MYCBP2: variants seen among roughly 807,000 people sequenced by gnomAD.
MYCBP2 encodes E3 ubiquitin-protein ligase MYCBP2.
MYCBP2 carries 120 observed loss-of-function variants against 525.3 expected under a neutral mutation model. The observed-to-expected ratio is 0.23, with a 90% confidence interval of 0.20 to 0.27. The LOEUF (loss-of-function observed/expected upper bound fraction) is 0.27, where lower values mean the gene tolerates loss of function less well. MYCBP2 is among the 10% of genes least tolerant of loss of function. The pLI is 1.00. For synonymous variants in MYCBP2, 1,894 were observed against 1,955.8 expected (o/e 0.97, Z 0.83); for missense variants, 4,149 against 5,657.1 (o/e 0.73, Z 8.55).
chr13:77,289,280 A>G (rs2077219953), intron 2 of MYCBP2, among the ~76,000 whole-genome samples: 2 of 152,148 alleles, frequency 1.3e-5, no homozygotes, highest in Non-Finnish European at 2.9e-5. Flanking sequence ...ATATATGTAT[A>G]AGAGATATTA....
Position 77,174,474 on chromosome 13 carries a change from C to T in MYCBP2, c.5488G>A (p.Ala1830Thr), listed in dbSNP as rs1233940531. ...CTTCCATAGTTCCTCAAGCGCACAG[C>T]ATATTTAACATTTTCCTTCATTATA... is the stretch of plus-strand genomic sequence containing the variant. ...VVPLKENVKY[A>T]VRLRNYGSRT... is the part of the protein sequence containing the mutation. The change falls in exon 37 of 83, where the codon GCT becomes ACT. Residue 1830 changes from alanine to threonine, a missense_variant. Around this residue, in one of 21 missense-constraint regions of MYCBP2, gnomAD observed 109 missense variants for 118.9 expected, o/e 0.92. Coordinates refer to ENST00000544440, the MANE Select transcript of MYCBP2 (RefSeq NM_015057.5). 1 of 1,613,314 alleles carries T rather than the reference C, an allele frequency of 6.2e-7. No individual in the cohort carries two copies. The highest frequency in any genetic ancestry group is 1.3e-5 in the African/African-American group (1 of 74,890).
At chr13:77,159,796 A>G (rs951298680) in intron 44 of MYCBP2, among the ~76,000 whole-genome samples, 2 of 152,188 alleles carry the variant, frequency 1.3e-5, no homozygotes, top group Non-Finnish European at 2.9e-5. Flanking sequence ...TAAATTACCC[A>G]GCCTCAGGTA....
At chr13:77,093,882 C>T (rs1332821980) in intron 58 of MYCBP2, among the ~76,000 whole-genome samples, 1 of 152,012 alleles carries the variant, frequency 6.6e-6, no homozygotes, top group Non-Finnish European at 1.5e-5. Context: ...GGAAGGGGTG[C>T]CCATTCCCCA....
chr13:77,070,788 A>G lies in MYCBP2; in HGVS notation c.11824-77T>C, dbSNP rs1873019850. The G allele has an allele frequency of 3.5e-6, 3 of 859,968 alleles. No homozygotes were observed. In the Admixed American group the frequency reaches 7.6e-5, roughly 22 times the overall value. 53.3% of individuals were successfully genotyped at this position (859,968 alleles called of 1,614,324 possible). ...TAAAATTTGTATATGTGATATTTCAAAGTAACTTGAGAAATAATTTTGTGT... is the reference window on the plus strand; with the variant it reads ...TAAAATTTGTATATGTGATATTTCAGAGTAACTTGAGAAATAATTTTGTGT... On this transcript the variant is annotated intron_variant, in intron 68 of 82. Coordinates refer to ENST00000544440, the MANE Select transcript of MYCBP2 (RefSeq NM_015057.5).
Position 77,095,362 on chromosome 13 carries a change from C to T in MYCBP2, c.10195G>A (p.Ala3399Thr). The change falls in exon 58 of 83, where the codon GCT becomes ACT. Residue 3399 changes from alanine to threonine, a missense_variant. Coordinates refer to ENST00000544440, the MANE Select transcript of MYCBP2 (RefSeq NM_015057.5). ...KMPCLYLQTLARHHHENFVGY... is the reference protein window; with the variant it reads ...KMPCLYLQTLTRHHHENFVGY... Reference sequence around the variant, plus strand: ...ACAACAGCAAAATTTTATTACCTAGCTAATGTCTGCAGGTAGAGACAAGGC... The same window carrying T: ...ACAACAGCAAAATTTTATTACCTAGTTAATGTCTGCAGGTAGAGACAAGGC... 4 of 1,613,162 alleles carry T rather than the reference C, an allele frequency of 2.5e-6. No individual in the cohort carries two copies. Among genetic ancestry groups the T allele is most frequent in the Non-Finnish European group, 3.4e-6 (4 of 1,179,540 alleles).
Position 77,185,330 on chromosome 13 carries a change from T to C in MYCBP2, c.4492A>G (p.Ile1498Val), listed in dbSNP as rs76744435. The part of the protein sequence containing the change: ...VEETSKLAEC[I>V]GKTRTLLRKI... ...CTTAACAAAGTTCTGGTTTTTCCAA[T>C]ACACTCTGCTAATTTGCTAGTTTCT... Residue 1498 changes from isoleucine to valine, a missense_variant, in exon 32 of 83, where the codon ATT becomes GTT. Around this residue, in one of 21 missense-constraint regions of MYCBP2, gnomAD observed 292 missense variants for 330.5 expected, o/e 0.88. Transcript: ENST00000544440. 7.1e-4 allele frequency: 1,146 copies of C among 1,613,960 alleles called. 10 individuals carry two copies. In the East Asian group the frequency reaches 0.023, roughly 32 times the overall value.
At chr13:77,148,355 C>A (rs2055943103) in intron 47 of MYCBP2, among the ~76,000 whole-genome samples, 1 of 151,966 alleles carries the variant, frequency 6.6e-6, no homozygotes, top group Non-Finnish European at 1.5e-5. Flanking sequence ...ATAACTTCAA[C>A]TTTTTTTCCA....
intron 39 of MYCBP2, among the ~76,000 whole-genome samples, chr13:77,169,114 T>C (rs904596729): frequency 1.3e-5 from 2 of 152,186 alleles, no homozygotes; most frequent in African/African-American, 4.8e-5. Context: ...ATTCTTCAAA[T>C]GTAAAGCCAA....
intron 18 of MYCBP2, among the ~76,000 whole-genome samples, chr13:77,228,820 T>C (rs964821032): frequency 1.3e-5 from 2 of 152,108 alleles, no homozygotes; most frequent in African/African-American, 4.8e-5. Flanking sequence ...TATATAATTA[T>C]ATACACATAT....
At chr13:77,062,885 C>A (rs1191607994) in intron 73 of MYCBP2, among the ~76,000 whole-genome samples, 188 bp from the exon 74 acceptor site, 2 of 152,202 alleles carry the variant, frequency 1.3e-5, no homozygotes, top group African/African-American at 2.4e-5. Flanking sequence ...GCCATGCACA[C>A]AGGAGGCACT....
At chr13:77,253,927 A>G (rs960080773) in intron 14 of MYCBP2, among the ~76,000 whole-genome samples, 1 of 151,968 alleles carries the variant, frequency 6.6e-6, no homozygotes, top group South Asian at 2.1e-4. Flanking sequence ...CAGGTTTTCC[A>G]GGAAACATTT....
intron 3 of MYCBP2, among the ~76,000 whole-genome samples, chr13:77,284,296 C>A (rs1156822342): frequency 6.6e-6 from 1 of 151,264 alleles, no homozygotes; most frequent in Admixed American, 6.6e-5. Flanking sequence ...GGGACAGCCA[C>A]ACACTTAGGA....
intron 14 of MYCBP2, among the ~76,000 whole-genome samples, chr13:77,255,138 G>A (rs1436700874): frequency 1.3e-5 from 2 of 151,874 alleles, no homozygotes; most frequent in Non-Finnish European, 2.9e-5. Context: ...GCTAGATCAT[G>A]TGGCAGCTCC....
At chr13:77,127,443 G>C (rs1408923104) in intron 52 of MYCBP2, among the ~76,000 whole-genome samples, 1 of 151,710 alleles carries the variant, frequency 6.6e-6, no homozygotes, top group Admixed American at 6.6e-5. Flanking sequence ...TGTAAATAAA[G>C]GGTCCACACT....
At chr13:77,053,035 G>A (rs2037152024) in intron 80 of MYCBP2, among the ~76,000 whole-genome samples, 1 of 152,030 alleles carries the variant, frequency 6.6e-6, no homozygotes, top group African/African-American at 2.4e-5. Flanking sequence ...CTACTGAGAA[G>A]GCTGAGGTGG....
intron 23 of MYCBP2, 22 bp downstream of exon 23, chr13:77,211,145 T>G: frequency 7.1e-7 from 1 of 1,410,418 alleles, no homozygotes; most frequent in Non-Finnish European, 9.3e-7. Flanking sequence ...TTATTGACTA[T>G]TTTATAAACT....
chr13:77,322,563 G>A (rs1343075478), intron 1 of MYCBP2, among the ~76,000 whole-genome samples: 3 of 152,210 alleles, frequency 2.0e-5, no homozygotes, highest in Non-Finnish European at 4.4e-5. Flanking sequence ...AATTTTAAAT[G>A]TGATTTTAAT....
chr13:77,178,064 A>C, intron 34 of MYCBP2, 110 bp from the exon 35 acceptor site: 2 of 686,000 alleles, frequency 2.9e-6, no homozygotes, highest in South Asian at 3.5e-5. Flanking sequence ...AGTGGATATA[A>C]ACATTCCTAA....
chr13:77,062,515 G>T, intron 74 of MYCBP2, 81 bp downstream of exon 74: 15 of 1,174,734 alleles, frequency 1.3e-5, no homozygotes, highest in Admixed American at 1.0e-4. Context: ...TGTGTTTTTT[G>T]TTTGTTTGTT....
Sources: gnomAD v4.1 joint callset for allele counts (sites outside exome capture counted in the v4.1 genomes callset) on GRCh38, gnomAD v4.1.1 for gene constraint, gnomAD v4.1.1 regional missense constraint, MANE v1.5 for transcripts, NCBI Gene and HGNC (gene_info 2026-07-23, HGNC 2026-07-21) for gene names.